NRXN1: variants seen among roughly 807,000 people sequenced by gnomAD.
NRXN1 encodes neurexin 1, also known as neurexin-1.
In NRXN1, 39 loss-of-function variants were observed where a neutral mutation model predicts 150.9. That is an observed-to-expected ratio of 0.26 (90% CI 0.20 to 0.34). The LOEUF (loss-of-function observed/expected upper bound fraction) is 0.34, where lower values mean the gene tolerates loss of function less well. NRXN1 is among the 10% of genes least tolerant of loss of function. NRXN1 has a pLI of 1.00. For synonymous variants in NRXN1, 924 were observed against 757.0 expected (o/e 1.22, Z -3.62); for missense variants, 1,815 against 1,949.9 (o/e 0.93, Z 1.30).
chr2:50,791,305 T>C (rs1421274598), intron 5 of NRXN1, among the ~76,000 whole-genome samples: 1 of 123,512 alleles, frequency 8.1e-6, no homozygotes, highest in Non-Finnish European at 1.7e-5. Context: ...GATTCCAAAC[T>C]GCTTGCTACA....
intron 17 of NRXN1, among the ~76,000 whole-genome samples, chr2:50,341,250 C>G (rs1575148325): frequency 6.6e-6 from 1 of 152,128 alleles, no homozygotes; most frequent in Non-Finnish European, 1.5e-5. Context: ...AACTTTAGAA[C>G]TGAAAGAAAT....
chr2:50,220,007 A>C (rs1375463876), intron 18 of NRXN1, among the ~76,000 whole-genome samples: 1 of 37,060 alleles, frequency 2.7e-5, no homozygotes, highest in Admixed American at 3.3e-4. Flanking sequence ...TATATTATAT[A>C]ATATATTATA....
chr2:50,352,714 T>G (rs2078497493), intron 17 of NRXN1, among the ~76,000 whole-genome samples: 1 of 149,422 alleles, frequency 6.7e-6, no homozygotes, highest in Non-Finnish European at 1.5e-5. Flanking sequence ...TTATTGCAGG[T>G]CCCTAAGAGT....
At chr2:50,517,927 C>T (rs2092676173) in intron 12 of NRXN1, among the ~76,000 whole-genome samples, 1 of 152,102 alleles carries the variant, frequency 6.6e-6, no homozygotes, top group African/African-American at 2.4e-5. Flanking sequence ...TTTCTCGATG[C>T]TTCACCTCCT....
intron 8 of NRXN1, among the ~76,000 whole-genome samples, chr2:50,555,461 T>G (rs11675550): frequency 0.12 from 18,823 of 152,056 alleles, 1,320 homozygotes; most frequent in African/African-American, 0.19. Flanking sequence ...AAAATAGAAG[T>G]AGGGATAATT....
intron 21 of NRXN1, among the ~76,000 whole-genome samples, chr2:50,034,278 G>T (rs1430305717): frequency 1.3e-5 from 2 of 152,094 alleles, no homozygotes; most frequent in African/African-American, 4.8e-5. Flanking sequence ...TAAAGAAATT[G>T]TGGTATATGT....
At chr2:49,983,961 G>C (rs2152511342) in intron 21 of NRXN1, among the ~76,000 whole-genome samples, 1 of 152,022 alleles carries the variant, frequency 6.6e-6, no homozygotes, top group East Asian at 1.9e-4. Context: ...CCAAGAGTTT[G>C]AGATCAGCCT....
intron 18 of NRXN1, among the ~76,000 whole-genome samples, chr2:50,103,006 A>G (rs989850380): frequency 6.6e-6 from 1 of 152,108 alleles, no homozygotes; most frequent in Non-Finnish European, 1.5e-5. Context: ...CATTTAAAAA[A>G]TTTTCCAATC....
intron 17 of NRXN1, among the ~76,000 whole-genome samples, chr2:50,380,425 C>T (rs1419920287): frequency 6.6e-6 from 1 of 152,062 alleles, no homozygotes; most frequent in Admixed American, 6.6e-5. Flanking sequence ...TTCAAATAAA[C>T]AGTTGTTTTC....
chr2:50,798,456 T>C (rs1341288393), intron 5 of NRXN1, among the ~76,000 whole-genome samples: 3 of 152,194 alleles, frequency 2.0e-5, no homozygotes, highest in Non-Finnish European at 4.4e-5. Flanking sequence ...TTTATATGTG[T>C]ATCTCTGATT....
chr2:50,787,190 G>A (rs1262531748), intron 5 of NRXN1, among the ~76,000 whole-genome samples: 2 of 152,098 alleles, frequency 1.3e-5, no homozygotes, highest in Non-Finnish European at 2.9e-5. Flanking sequence ...TCTGACCGGA[G>A]ATTCCAACTC....
intron 17 of NRXN1, among the ~76,000 whole-genome samples, chr2:50,335,718 G>T (rs1239542832): frequency 6.6e-6 from 1 of 152,192 alleles, no homozygotes; most frequent in African/African-American, 2.4e-5. Flanking sequence ...ATATCCTCTT[G>T]TTAACATCGT....
intron 5 of NRXN1, among the ~76,000 whole-genome samples, chr2:50,691,874 T>C (rs974696295): frequency 6.6e-6 from 1 of 152,138 alleles, no homozygotes. Context: ...TATTCTAAGA[T>C]GAATACTAAG....
At chr2:50,539,621 C>G (rs906472706) in intron 9 of NRXN1, among the ~76,000 whole-genome samples, 16 of 152,182 alleles carry the variant, frequency 1.1e-4, no homozygotes, top group Admixed American at 1.0e-3. Context: ...TTCAGAAAGA[C>G]CTTTGTACAA....
At chr2:50,882,691 A>C (rs1044790119) in intron 5 of NRXN1, among the ~76,000 whole-genome samples, 1 of 151,854 alleles carries the variant, frequency 6.6e-6, no homozygotes, top group Non-Finnish European at 1.5e-5. Context: ...GAGAAATAAT[A>C]ATTTTGGGGA....
intron 8 of NRXN1, among the ~76,000 whole-genome samples, chr2:50,573,532 G>A (rs866497661): frequency 6.6e-6 from 1 of 150,484 alleles, no homozygotes; most frequent in Non-Finnish European, 1.5e-5. Flanking sequence ...TTAACTATTA[G>A]ATAGTTAATT....
At chr2:50,761,708 T>C (rs954361220) in intron 5 of NRXN1, among the ~76,000 whole-genome samples, 19 of 151,848 alleles carry the variant, frequency 1.3e-4, no homozygotes, top group Admixed American at 5.3e-4. Context: ...AGATTAACAT[T>C]TGAGTCAGTG....
At chr2:50,249,055 G>A (rs954710528) in intron 17 of NRXN1, among the ~76,000 whole-genome samples, 2 of 150,932 alleles carry the variant, frequency 1.3e-5, no homozygotes, top group African/African-American at 4.9e-5. Flanking sequence ...TACTTGGGAG[G>A]CTGAAGTTGG....
intron 17 of NRXN1, among the ~76,000 whole-genome samples, chr2:50,405,294 G>C (rs973245304): frequency 6.6e-6 from 1 of 151,996 alleles, no homozygotes; most frequent in African/African-American, 2.4e-5. Context: ...TACCAAACAC[G>C]GCAAATAAAA....
Sources: gnomAD v4.1 joint callset for allele counts (sites outside exome capture counted in the v4.1 genomes callset) on GRCh38, gnomAD v4.1.1 for gene constraint, MANE v1.5 for transcripts, NCBI Gene and HGNC (gene_info 2026-07-23, HGNC 2026-07-21) for gene names.